The following SNX1 variants were observed in gnomAD, a reference collection of about 807,000 sequenced individuals.
SNX1 encodes sorting nexin 1.
In SNX1, 36 loss-of-function variants were observed where a neutral mutation model predicts 71.8. The ratio of observed to expected loss-of-function variants is 0.50; its 90% CI spans 0.38 to 0.66. The LOEUF (loss-of-function observed/expected upper bound fraction) is 0.66. Ranked by LOEUF, SNX1 falls within the 30% of genes least tolerant of loss-of-function variation. The pLI is 0.00. For synonymous variants in SNX1, 254 were observed against 240.7 expected (o/e 1.06, Z -0.51); for missense variants, 612 against 646.7 (o/e 0.95, Z 0.58).
At position 64,134,491 on chromosome 15, in the gene SNX1, C is replaced by G; in HGVS notation, c.1222-173C>G. ...CTGGAAGCTTGGAGAGGAGTCTTAC[C>G]CAAGCTTTGCTCCTAGACATTAAAC... On this transcript the variant is annotated intron_variant, in intron 11 of 14. Transcript: ENST00000559844. The surrounding 1 kb of genome is among the most constrained non-coding windows in gnomAD (Gnocchi z 4.1). 2.9e-6 allele frequency: 2 copies of G among 688,174 alleles called. No homozygotes were observed. The highest frequency in any genetic ancestry group is 2.4e-6 in the Non-Finnish European group (1 of 422,904). 42.6% of individuals were successfully genotyped at this position (688,174 alleles called of 1,614,324 possible).
In SNX1 at chr15:64,142,658, G is replaced by GT. The variant is rs1477816593; in HGVS notation, c.*5047dup. 1 of 455,978 alleles carries GT rather than the reference G, an allele frequency of 2.2e-6. No homozygotes were observed. Among genetic ancestry groups the GT allele is most frequent in the East Asian group, 6.9e-5 (1 of 14,394 alleles). The allele number at this position is 455,978 out of a possible 1,614,324, so 28.2% of individuals were successfully genotyped here. A position where few individuals can be genotyped will look rare whatever the true frequency, so the allele number is the denominator to read the frequency against. On this transcript the variant is annotated 3_prime_UTR_variant, in exon 15 of 15. Coordinates refer to ENST00000559844, the MANE Select transcript of SNX1 (RefSeq NM_003099.5). ...TGTCATATTTACCTATTTAAGCCAAGTTTTTTTAGATAAAAGGTATGGAAC... is the reference window on the plus strand; with the variant it reads ...TGTCATATTTACCTATTTAAGCCAAGTTTTTTTTAGATAAAAGGTATGGAAC...
chr15:64,122,638 C>G (rs76212711), intron 4 of SNX1, among the ~76,000 whole-genome samples: 1,844 of 152,200 alleles, frequency 0.012, 38 homozygotes, highest in African/African-American at 0.043. Context: ...TAACTGTTGA[C>G]CTAGGTTTTC....
chr15:64,102,052 A>T (rs1427392145), intron 1 of SNX1, among the ~76,000 whole-genome samples: 1 of 152,234 alleles, frequency 6.6e-6, no homozygotes, highest in Non-Finnish European at 1.5e-5. Context: ...AAAAAAATTA[A>T]AGAATAATGC....
At position 64,142,513 on chromosome 15, in the gene SNX1, A is replaced by G; in HGVS notation, c.*4895A>G. The G allele has an allele frequency of 5.1e-6, 2 of 394,420 alleles. No individual in the cohort carries two copies. Among genetic ancestry groups the G allele is most frequent in the South Asian group, 1.9e-5 (1 of 53,872 alleles). The allele number at this position is 394,420 out of a possible 1,614,324, so 24.4% of individuals were successfully genotyped here. On this transcript the variant is annotated 3_prime_UTR_variant, in exon 15 of 15. Transcript: ENST00000559844. The stretch of plus-strand genomic sequence containing the variant: ...AGAAAATGGGGTCCAGAGCACAGGA[A>G]GGGGACCTGTGTTCAGAGGGTGCCT...
chr15:64,096,804 G>A (rs2140125210), intron 1 of SNX1, among the ~76,000 whole-genome samples: 1 of 152,346 alleles, frequency 6.6e-6, no homozygotes, highest in African/African-American at 2.4e-5. Context: ...GTGTTCAAGT[G>A]CCCACGTACC....
At chr15:64,109,501 T>TTTTGTTTTGG (rs1036865138) in intron 1 of SNX1, among the ~76,000 whole-genome samples, 5 of 144,512 alleles carry the variant, frequency 3.5e-5, no homozygotes, top group African/African-American at 1.2e-4. Context: ...TTTTGTTTTG[T>TTTTGTTTTGG]TTTGTTTTGT....
intron 4 of SNX1, among the ~76,000 whole-genome samples, chr15:64,121,310 G>A (rs750214783): frequency 1.1e-4 from 16 of 152,136 alleles, no homozygotes; most frequent in Non-Finnish European, 2.2e-4. Flanking sequence ...TCCTGGTGTC[G>A]GCAGGCCATT....
At chr15:64,124,710 A>G (rs895968984) in intron 5 of SNX1, among the ~76,000 whole-genome samples, 1 of 152,140 alleles carries the variant, frequency 6.6e-6, no homozygotes, top group Non-Finnish European at 1.5e-5. Flanking sequence ...TCTCTAGTAC[A>G]CACGTAGAAG....
intron 1 of SNX1, among the ~76,000 whole-genome samples, chr15:64,109,727 C>T (rs2081059753): frequency 6.6e-6 from 1 of 152,082 alleles, no homozygotes; most frequent in African/African-American, 2.4e-5. Flanking sequence ...AGGCTGGTCT[C>T]AAACTCCTGA....
Position 64,141,372 on chromosome 15 carries a change from G to A in SNX1, c.*3754G>A, listed in dbSNP as rs1411828638. The A allele has an allele frequency of 6.6e-6, 1 of 152,206 alleles. No individual in the cohort carries two copies. Among genetic ancestry groups the A allele is most frequent in the African/African-American group, 2.4e-5 (1 of 41,440 alleles). The allele number at this position is 152,206 out of a possible 1,614,324, so 9.4% of individuals were successfully genotyped here. A position where few individuals can be genotyped will look rare whatever the true frequency, so the allele number is the denominator to read the frequency against. Reference sequence around the variant, plus strand: ...TTGTCTTTAGGGCTTGTGCATTTTTGTAAAGAGCTTGCACGTGTGGAAATC... The same window carrying A: ...TTGTCTTTAGGGCTTGTGCATTTTTATAAAGAGCTTGCACGTGTGGAAATC... On this transcript the variant is annotated 3_prime_UTR_variant, in exon 15 of 15. Coordinates refer to ENST00000559844, the MANE Select transcript of SNX1 (RefSeq NM_003099.5). The surrounding 1 kb of genome is among the most constrained non-coding windows in gnomAD (Gnocchi z 5.1).
At position 64,138,136 on chromosome 15, in the gene SNX1, C is replaced by T. The variant is rs573811408; in HGVS notation, c.*518C>T. 4 of 1,535,732 alleles carry T rather than the reference C, an allele frequency of 2.6e-6. No individual in the cohort carries two copies. Among genetic ancestry groups the T allele is most frequent in the South Asian group, 1.2e-5 (1 of 84,052 alleles). ...TTCTCTACCGTTCACAAGTTTTGTG[C>T]TGCTGCTTCCCTCTGGAAATGGGGT... is the stretch of plus-strand genomic sequence containing the variant. On this transcript the variant is annotated 3_prime_UTR_variant, in exon 15 of 15. Transcript: ENST00000559844.
At chr15:64,126,312 T>C in intron 6 of SNX1, 92 bp downstream of exon 6, 6 of 1,298,030 alleles carry the variant, frequency 4.6e-6, no homozygotes, top group Non-Finnish European at 6.4e-6. Flanking sequence ...ACTACTTCTA[T>C]TAACAGTCTT....
chr15:64,132,719 C>T (rs1208266715), intron 11 of SNX1, among the ~76,000 whole-genome samples: 14 of 152,174 alleles, frequency 9.2e-5, no homozygotes, highest in Admixed American at 8.5e-4. Context: ...GCTCGTTCCC[C>T]GTCCCCAACA....
rs1323416672 is a variant in SNX1, at chr15:64,138,928, G to A, written c.*1310G>A. 5 of 152,282 alleles carry A rather than the reference G, an allele frequency of 3.3e-5. No individual in the cohort carries two copies. 9.4% of individuals were successfully genotyped at this position (152,282 alleles called of 1,614,324 possible). A position where few individuals can be genotyped will look rare whatever the true frequency, so the allele number is the denominator to read the frequency against. ...GGTCCTGCTGTATCAGTTCTCTTTG[G>A]TGGGGGGCTAAGGTTTGGGGCGAGG... On this transcript the variant is annotated 3_prime_UTR_variant, in exon 15 of 15. Transcript: ENST00000559844.
chr15:64,119,723 T>TA (rs765691582), intron 4 of SNX1, among the ~76,000 whole-genome samples: 135 of 138,254 alleles, frequency 9.8e-4, no homozygotes, highest in African/African-American at 2.4e-3. Context: ...GACTGTGTCT[T>TA]AAAAAAAAAA....
chr15:64,128,304 A>T (rs12904586), intron 8 of SNX1, among the ~76,000 whole-genome samples: 14,195 of 152,286 alleles, frequency 0.093, 958 homozygotes, highest in African/African-American at 0.2. Context: ...AATATAACCA[A>T]ATACTTGATT....
At chr15:64,121,242 C>T (rs976844276) in intron 4 of SNX1, among the ~76,000 whole-genome samples, 3 of 152,176 alleles carry the variant, frequency 2.0e-5, no homozygotes, top group African/African-American at 7.2e-5. Context: ...AGCAAAGTAC[C>T]ACAAACTGGT....
chr15:64,137,670 G>A lies in SNX1; in HGVS notation c.*52G>A, dbSNP rs1271944473. 1 of 1,612,812 alleles carries A rather than the reference G, an allele frequency of 6.2e-7. No homozygotes were observed. Among genetic ancestry groups the A allele is most frequent in the African/African-American group, 1.3e-5 (1 of 74,888 alleles). On this transcript the variant is annotated 3_prime_UTR_variant, in exon 15 of 15. Coordinates refer to ENST00000559844, the MANE Select transcript of SNX1 (RefSeq NM_003099.5). Reference sequence around the variant, plus strand: ...GTGTGACGCTGCCTTTTTATACACTGTCCTCCTCCACCTTGATGGACCCCT... The same window carrying A: ...GTGTGACGCTGCCTTTTTATACACTATCCTCCTCCACCTTGATGGACCCCT...
chr15:64,102,713 C>CT (rs2080976024), intron 1 of SNX1, among the ~76,000 whole-genome samples: 1 of 138,440 alleles, frequency 7.2e-6, no homozygotes, highest in African/African-American at 2.6e-5. Context: ...GGAGTTCATT[C>CT]TTTTTTATGC....
Sources: gnomAD v4.1 joint callset for allele counts (sites outside exome capture counted in the v4.1 genomes callset) on GRCh38, gnomAD v4.1.1 for gene constraint, Gnocchi (gnomAD v3.1) non-coding constraint, MANE v1.5 for transcripts, NCBI Gene and HGNC (gene_info 2026-07-23, HGNC 2026-07-21) for gene names.